Variants in RBFOX1 observed in about 807,000 individuals in gnomAD.
RBFOX1 encodes the protein RNA binding protein fox-1 homolog 1.
In RBFOX1, 8 loss-of-function variants were observed where a neutral mutation model predicts 57.7. That is an observed-to-expected ratio of 0.14 (90% CI 0.08 to 0.25). RBFOX1 has a LOEUF of 0.25. Ranked by LOEUF, RBFOX1 falls within the 10% of genes least tolerant of loss-of-function variation. RBFOX1 has a pLI of 1.00. For synonymous variants in RBFOX1, 326 were observed against 222.4 expected, an observed-to-expected ratio of 1.47 and a Z score of -4.15; for missense variants, 611 against 548.5, an observed-to-expected ratio of 1.11 and a Z score of -1.14.
intron 4 of RBFOX1, among the ~76,000 whole-genome samples, chr16:7,302,840 A>G (rs2096066222): frequency 6.6e-6 from 1 of 151,980 alleles, no homozygotes; most frequent in Non-Finnish European, 1.5e-5. Context: ...ATAAAGACTA[A>G]TGAAATCTAC....
chr16:7,692,441 T>C (rs2077551734), intron 14 of RBFOX1, among the ~76,000 whole-genome samples: 1 of 152,112 alleles, frequency 6.6e-6, no homozygotes, highest in Non-Finnish European at 1.5e-5. Context: ...AAACCAATCA[T>C]ACTAAGAAGA....
intron 4 of RBFOX1, among the ~76,000 whole-genome samples, chr16:7,189,554 AACACACACACACACACACAC>A (rs779531861): frequency 1.5e-5 from 2 of 135,810 alleles, no homozygotes; most frequent in Admixed American, 7.1e-5. Context: ...TGTCCCCCAA[AACACACACACACACACACAC>A]ACACACACAC....
At chr16:5,642,034 C>T (rs1437584306) in intron 3 of RBFOX1, among the ~76,000 whole-genome samples, 2 of 152,214 alleles carry the variant, frequency 1.3e-5, no homozygotes, top group East Asian at 3.9e-4. Context: ...GTATCTGGAC[C>T]ACACTTTGAG....
intron 3 of RBFOX1, among the ~76,000 whole-genome samples, chr16:6,715,436 G>C (rs771350201): frequency 2.2e-4 from 33 of 152,128 alleles, no homozygotes; most frequent in Non-Finnish European, 4.4e-4. Context: ...AAGCCATCAG[G>C]TTAGTAAACA....
At chr16:7,101,504 C>A (rs566878559) in intron 4 of RBFOX1, among the ~76,000 whole-genome samples, 4 of 151,950 alleles carry the variant, frequency 2.6e-5, no homozygotes, top group Non-Finnish European at 5.9e-5. Context: ...AGAAAGAGAC[C>A]GGCTGTACCA....
At chr16:7,575,544 C>G (rs2093252704) in intron 5 of RBFOX1, among the ~76,000 whole-genome samples, 1 of 152,148 alleles carries the variant, frequency 6.6e-6, no homozygotes, top group Admixed American at 6.5e-5. Context: ...CAGACCCAAG[C>G]CAAGGAACAC....
chr16:5,477,178 C>G (rs1287207754), intron 2 of RBFOX1, among the ~76,000 whole-genome samples: 1 of 152,110 alleles, frequency 6.6e-6, no homozygotes, highest in Admixed American at 6.6e-5. Flanking sequence ...CTACATCCAG[C>G]TAATTTTAAA....
chr16:5,381,406 G>A (rs1049876390), intron 1 of RBFOX1, among the ~76,000 whole-genome samples: 9 of 152,294 alleles, frequency 5.9e-5, no homozygotes, highest in African/African-American at 2.2e-4. Flanking sequence ...ACCCTAACAG[G>A]CACATAAATC....
intron 1 of RBFOX1, among the ~76,000 whole-genome samples, chr16:5,453,009 C>T (rs1297927927): frequency 6.6e-6 from 1 of 152,168 alleles, no homozygotes; most frequent in Non-Finnish European, 1.5e-5. Flanking sequence ...CTGGGCATTT[C>T]AGTATATCCT....
At chr16:7,531,680 G>A (rs1365250889) in intron 5 of RBFOX1, among the ~76,000 whole-genome samples, 1 of 152,172 alleles carries the variant, frequency 6.6e-6, no homozygotes, top group African/African-American at 2.4e-5. Flanking sequence ...CTGAGGCACA[G>A]GTATGAAGCA....
chr16:6,085,728 C>G (rs1317160988), intron 1 of RBFOX1, among the ~76,000 whole-genome samples: 2 of 152,128 alleles, frequency 1.3e-5, no homozygotes, highest in South Asian at 2.1e-4. Context: ...GCCCGTGGCG[C>G]TTAAATTCTA....
chr16:6,014,636 T>G (rs1412169541), upstream of RBFOX1, among the ~76,000 whole-genome samples: 1 of 152,178 alleles, frequency 6.6e-6, no homozygotes, highest in African/African-American at 2.4e-5. Flanking sequence ...CTGTTTTAAT[T>G]AGTTCATTAG....
At chr16:7,350,408 G>A (rs1043324338) in intron 4 of RBFOX1, among the ~76,000 whole-genome samples, 3 of 152,190 alleles carry the variant, frequency 2.0e-5, no homozygotes, top group African/African-American at 7.2e-5. Context: ...ACAAAGTCAG[G>A]TGTGCAATCA....
At chr16:6,588,764 A>G (rs2097667713) in intron 2 of RBFOX1, among the ~76,000 whole-genome samples, 2 of 152,170 alleles carry the variant, frequency 1.3e-5, no homozygotes, top group South Asian at 4.1e-4. Flanking sequence ...GAAAATCAGG[A>G]CTTACTTGAT....
rs559552344 is a variant in RBFOX1 at position 6,585,185 on chromosome 16, C to T, written c.-63-69418C>T. Among the ~76,000 whole-genome samples the T allele has an allele frequency of 4.6e-5, 7 of 152,292 alleles. No homozygotes were observed. In the South Asian group the frequency reaches 1.2e-3, roughly 27 times the overall value. The stretch of plus-strand genomic sequence containing the variant: ...AGGCAGTGCCAGGAATCCTAATGTC[C>T]TCCATGGTATTTTTCCAAAACAATT... On this transcript the variant is annotated intron_variant, in intron 2 of 15. Coordinates refer to ENST00000550418, the MANE Select transcript of RBFOX1 (RefSeq NM_018723.4).
At chr16:7,327,428 T>C (rs1469160474) in intron 4 of RBFOX1, among the ~76,000 whole-genome samples, 2 of 152,214 alleles carry the variant, frequency 1.3e-5, no homozygotes, top group African/African-American at 2.4e-5. Context: ...TTACCCACTT[T>C]TGTCTGGAAA....
At chr16:5,552,811 A>C (rs1363162118) in intron 2 of RBFOX1, among the ~76,000 whole-genome samples, 1 of 146,278 alleles carries the variant, frequency 6.8e-6, no homozygotes, top group African/African-American at 2.6e-5. Context: ...ACATACCCCC[A>C]GGCCTCGGAG....
chr16:6,574,604 A>T, intron 2 of RBFOX1, among the ~76,000 whole-genome samples: 1 of 148,586 alleles, frequency 6.7e-6, no homozygotes, highest in Admixed American at 6.7e-5. Context: ...AATTTTTTGT[A>T]TTTTTAGTAG....
intron 5 of RBFOX1, among the ~76,000 whole-genome samples, chr16:7,557,975 C>G (rs890044466): frequency 6.6e-5 from 10 of 152,038 alleles, no homozygotes; most frequent in Non-Finnish European, 1.3e-4. Context: ...AACAAACAAA[C>G]AAAAAACCTC....
Sources: allele counts gnomAD v4.1 joint callset (sites outside exome capture counted in the v4.1 genomes callset), GRCh38; gene constraint gnomAD v4.1.1; transcripts MANE v1.5; gene names NCBI Gene and HGNC (gene_info 2026-07-23, HGNC 2026-07-21).